The following XKR4 variants were observed in gnomAD, a reference collection of about 807,000 sequenced individuals.
XKR4 encodes the protein XK-related protein 4.
A neutral mutation model predicts 53.9 loss-of-function variants in XKR4; 12 were observed. The ratio of observed to expected loss-of-function variants is 0.22; its 90% confidence interval spans 0.14 to 0.36. The LOEUF (loss-of-function observed/expected upper bound fraction) is 0.36, where lower values mean the gene tolerates loss of function less well. XKR4 is among the 10% of genes least tolerant of loss of function. The probability of loss-of-function intolerance (pLI) is 1.00; values close to 1 mark genes in which losing one functional copy is unlikely to be tolerated. For missense variants in XKR4, 799 were observed against 859.5 expected (o/e 0.93, Z 0.88); for synonymous variants, 354 against 362.4 (o/e 0.98, Z 0.26).
At chr8:55,449,831 G>T in intron 2 of XKR4, 1 of 1,152,330 alleles carries the variant, frequency 8.7e-7, no homozygotes, top group Admixed American at 1.7e-5. Context: ...GCCCTCGTAG[G>T]ACCTGTTCTC....
chr8:55,338,170 A>G (rs1395606157), intron 1 of XKR4, among the ~76,000 whole-genome samples: 1 of 152,256 alleles, frequency 6.6e-6, no homozygotes, highest in Non-Finnish European at 1.5e-5. Context: ...TGTTTTTTAA[A>G]ATGCTAATTG....
intron 1 of XKR4, among the ~76,000 whole-genome samples, chr8:55,181,603 G>A (rs1413956110): frequency 3.9e-5 from 6 of 152,168 alleles, no homozygotes; most frequent in Non-Finnish European, 7.3e-5. Flanking sequence ...CATGTGGACA[G>A]CAGCATGAAG....
intron 1 of XKR4, among the ~76,000 whole-genome samples, chr8:55,182,935 A>G (rs1484586326): frequency 6.6e-6 from 1 of 152,026 alleles, no homozygotes; most frequent in Non-Finnish European, 1.5e-5. Context: ...TGAACATGGT[A>G]TCTCTCTCCA....
At chr8:55,498,895 A>G (rs1325578461) in intron 2 of XKR4, among the ~76,000 whole-genome samples, 1 of 152,208 alleles carries the variant, frequency 6.6e-6, no homozygotes, top group Non-Finnish European at 1.5e-5. Flanking sequence ...CTGAGTTTCC[A>G]CTTTGTAGAT....
chr8:55,226,121 A>C (rs567978348), intron 1 of XKR4, among the ~76,000 whole-genome samples: 11 of 152,346 alleles, frequency 7.2e-5, no homozygotes, highest in Middle Eastern at 3.4e-3. Flanking sequence ...AAATGTGACC[A>C]AGAACCTCAA....
At chr8:55,188,561 C>T (rs867458590) in intron 1 of XKR4, among the ~76,000 whole-genome samples, 4 of 152,258 alleles carry the variant, frequency 2.6e-5, no homozygotes, top group Middle Eastern at 3.4e-3. Flanking sequence ...AAGACAGGAA[C>T]GTTTTCTGAA....
Position 55,125,008 on chromosome 8 carries a change from T to G in XKR4, c.806+21714T>G, listed in dbSNP as rs960217013. On this transcript the variant is annotated intron_variant, in intron 1 of 2. Coordinates refer to ENST00000327381, the MANE Select transcript of XKR4 (RefSeq NM_052898.2). ...GTTCTATCAAGTGCTAGGCAGCCAA[T>G]TGTGGCAACATCTAGCCTCTGCTAA... Among the ~76,000 whole-genome samples, 3 of 152,250 alleles carry G rather than the reference T, an allele frequency of 2.0e-5. No homozygotes were observed. The East Asian group carries it at 5.8e-4, about 29-fold the overall frequency.
At chr8:55,489,634 T>C (rs1806243527) in intron 2 of XKR4, among the ~76,000 whole-genome samples, 1 of 152,152 alleles carries the variant, frequency 6.6e-6, no homozygotes, top group South Asian at 2.1e-4. Flanking sequence ...TCAAATATTT[T>C]ATACTAGATC....
At chr8:55,237,946 G>A (rs1818157164) in intron 1 of XKR4, among the ~76,000 whole-genome samples, 2 of 151,868 alleles carry the variant, frequency 1.3e-5, no homozygotes, top group African/African-American at 2.4e-5. Context: ...AAAAAAGGAA[G>A]AGGGAAAGAG....
At chr8:55,382,456 G>A (rs888689082) in intron 2 of XKR4, among the ~76,000 whole-genome samples, 4 of 152,214 alleles carry the variant, frequency 2.6e-5, no homozygotes, top group African/African-American at 9.6e-5. Context: ...ATATGGCTGA[G>A]GTGGTTTGTT....
In XKR4 at chr8:55,321,988, GAA is replaced by G. The variant is rs397891262; in HGVS notation, c.807-35686_807-35685del. ...TGGTGACAGAGCGAGACTCCATCTC[GAA>G]AAACAAACAAACAAACAAACAAAAA... On this transcript the variant is annotated intron_variant, in intron 1 of 2. Transcript: ENST00000327381. 3.6e-4 allele frequency among the ~76,000 whole-genome samples: 13 copies of G among 35,706 alleles called. No homozygotes were observed. In the South Asian group the frequency reaches 0.019, roughly 52 times the overall value. 23.4% of individuals were successfully genotyped at this position (35,706 alleles called of 152,430 possible).
chr8:55,478,338 C>A (rs1806037446), intron 2 of XKR4, among the ~76,000 whole-genome samples: 1 of 152,036 alleles, frequency 6.6e-6, no homozygotes, highest in Non-Finnish European at 1.5e-5. Context: ...ACTTTACAGA[C>A]AAGCAAATGC....
At chr8:55,390,124 C>A (rs901240767) in intron 2 of XKR4, among the ~76,000 whole-genome samples, 2 of 152,200 alleles carry the variant, frequency 1.3e-5, no homozygotes, top group African/African-American at 4.8e-5. Flanking sequence ...ATAAACTTAA[C>A]AACACATTTG....
chr8:55,144,501 C>T (rs1175853456), intron 1 of XKR4, among the ~76,000 whole-genome samples: 3 of 152,088 alleles, frequency 2.0e-5, no homozygotes, highest in Non-Finnish European at 2.9e-5. Context: ...CAACCGTTGC[C>T]ATGATGGATT....
chr8:55,117,899 C>A (rs1403044707), intron 1 of XKR4, among the ~76,000 whole-genome samples: 1 of 152,140 alleles, frequency 6.6e-6, no homozygotes, highest in African/African-American at 2.4e-5. Context: ...AGGGTGACCA[C>A]CAGCTGTTGG....
chr8:55,168,418 G>C (rs1338501311), intron 1 of XKR4, among the ~76,000 whole-genome samples: 3 of 152,164 alleles, frequency 2.0e-5, no homozygotes, highest in African/African-American at 7.2e-5. Flanking sequence ...AAGTACATGA[G>C]AGGCTGAAGG....
chr8:55,476,205 A>G (rs561776848), intron 2 of XKR4, among the ~76,000 whole-genome samples: 27 of 152,158 alleles, frequency 1.8e-4, no homozygotes, highest in Admixed American at 1.5e-3. Context: ...AAGGACCCCA[A>G]CATGAGGCCC....
At chr8:55,340,627 T>G (rs980339297) in intron 1 of XKR4, among the ~76,000 whole-genome samples, 5 of 152,156 alleles carry the variant, frequency 3.3e-5, no homozygotes, top group Non-Finnish European at 7.3e-5. Flanking sequence ...TGGGTCACAG[T>G]TAGGATGCAC....
At chr8:55,481,670 A>G (rs1484667691) in intron 2 of XKR4, among the ~76,000 whole-genome samples, 1 of 152,072 alleles carries the variant, frequency 6.6e-6, no homozygotes, top group Non-Finnish European at 1.5e-5. Flanking sequence ...AATATCCAGA[A>G]TCTACAATGA....
Sources: gnomAD v4.1 joint callset for allele counts (sites outside exome capture counted in the v4.1 genomes callset) on GRCh38, gnomAD v4.1.1 for gene constraint, MANE v1.5 for transcripts, NCBI Gene and HGNC (gene_info 2026-07-23, HGNC 2026-07-21) for gene names.